ST6GAL2: variants seen among roughly 807,000 people sequenced by gnomAD.
ST6GAL2 encodes the protein ST6 beta-galactoside alpha-2,6-sialyltransferase 2.
ST6GAL2 carries 24 observed loss-of-function variants against 37.5 expected under a neutral mutation model. The observed-to-expected ratio is 0.64, with a 90% CI of 0.46 to 0.90. The LOEUF (loss-of-function observed/expected upper bound fraction) is 0.90, where lower values mean the gene tolerates loss of function less well. Ranked by LOEUF, ST6GAL2 falls within the 40% of genes least tolerant of loss-of-function variation. ST6GAL2 has a pLI of 0.00. For missense variants in ST6GAL2, 715 were observed against 712.7 expected (o/e 1.00, Z -0.04); for synonymous variants, 306 against 295.1 (o/e 1.04, Z -0.38).
chr2:106,867,577 G>A (rs1678086434), intron 1 of ST6GAL2, among the ~76,000 whole-genome samples: 1 of 152,098 alleles, frequency 6.6e-6, no homozygotes, highest in South Asian at 2.1e-4. Flanking sequence ...AAATGACGAG[G>A]TTTATGCAAC....
At chr2:106,817,223 G>A (rs1262777663) in intron 5 of ST6GAL2, among the ~76,000 whole-genome samples, 1 of 152,192 alleles carries the variant, frequency 6.6e-6, no homozygotes, top group Non-Finnish European at 1.5e-5. Context: ...GTGACCTGGC[G>A]AGACACAAGC....
rs570541749 is a variant in ST6GAL2, at chr2:106,823,508, G to A, written c.1318+6558C>T. Among the ~76,000 whole-genome samples, 41 of 26,692 alleles carry A rather than the reference G, an allele frequency of 1.5e-3. No individual in the cohort carries two copies. In the South Asian group the frequency reaches 0.029, roughly 19 times the overall value. The allele number at this position is 26,692 out of a possible 152,430, so 17.5% of individuals were successfully genotyped here. ...ACACAGAGAGAGAGAGAGAGAGATC[G>A]AGAGAGAGAGAGAGAGAAAGATTTC... On this transcript the variant is annotated intron_variant, in intron 5 of 5. Coordinates refer to ENST00000409382, the MANE Select transcript of ST6GAL2 (RefSeq NM_001142351.2).
chr2:106,855,194 G>A (rs1677526162), intron 1 of ST6GAL2, among the ~76,000 whole-genome samples: 1 of 152,230 alleles, frequency 6.6e-6, no homozygotes, highest in Non-Finnish European at 1.5e-5. Context: ...GGATACTATA[G>A]ATTCAAATTC....
At chr2:106,815,938 A>G (rs1049129084) in intron 5 of ST6GAL2, among the ~76,000 whole-genome samples, 7 of 152,156 alleles carry the variant, frequency 4.6e-5, no homozygotes, top group Non-Finnish European at 7.3e-5. Flanking sequence ...TGTTTTTTCA[A>G]TCAGGGAACA....
At chr2:106,883,391 G>A (rs779987600) in intron 1 of ST6GAL2, among the ~76,000 whole-genome samples, 1 of 152,164 alleles carries the variant, frequency 6.6e-6, no homozygotes, top group Non-Finnish European at 1.5e-5. Context: ...TGAAAATGTG[G>A]TAATCCACTA....
At chr2:106,841,930 T>C (rs1676902252) in intron 2 of ST6GAL2, among the ~76,000 whole-genome samples, 1 of 152,216 alleles carries the variant, frequency 6.6e-6, no homozygotes, top group African/African-American at 2.4e-5. Context: ...CCCAGCTGGT[T>C]GGTCAAACAC....
intron 1 of ST6GAL2, among the ~76,000 whole-genome samples, chr2:106,879,122 G>A (rs1479316694): frequency 6.6e-6 from 1 of 152,086 alleles, no homozygotes; most frequent in Non-Finnish European, 1.5e-5. Context: ...ACCCACTTCT[G>A]GTTCTACATC....
chr2:106,807,065 TTTG>T (rs1675441685), intron 5 of ST6GAL2, 116 bp from the exon 6 acceptor site: 10 of 837,522 alleles, frequency 1.2e-5, no homozygotes, highest in East Asian at 2.7e-5. Flanking sequence ...CACTTACTTT[TTTG>T]TTGTTGTTGC....
intron 2 of ST6GAL2, among the ~76,000 whole-genome samples, chr2:106,837,441 T>A (rs1161403286): frequency 6.6e-6 from 1 of 152,194 alleles, no homozygotes; most frequent in Non-Finnish European, 1.5e-5. Context: ...GAACTCTGAG[T>A]ATACTTACCA....
intron 1 of ST6GAL2, among the ~76,000 whole-genome samples, chr2:106,877,802 T>A (rs1221483421): frequency 2.6e-5 from 4 of 152,196 alleles, no homozygotes; most frequent in Non-Finnish European, 5.9e-5. Context: ...CCCTACAACC[T>A]CTCCACACAC....
At chr2:106,881,601 T>C (rs1678753394) in intron 1 of ST6GAL2, among the ~76,000 whole-genome samples, 1 of 152,232 alleles carries the variant, frequency 6.6e-6, no homozygotes, top group Non-Finnish European at 1.5e-5. Flanking sequence ...TATTGGATTA[T>C]CTAAGAGACT....
intron 5 of ST6GAL2, among the ~76,000 whole-genome samples, chr2:106,816,775 G>A (rs754313373): frequency 4.6e-5 from 7 of 152,100 alleles, no homozygotes; most frequent in Non-Finnish European, 1.0e-4. Flanking sequence ...AAAACCAGGC[G>A]AGTGATCACA....
intron 1 of ST6GAL2, among the ~76,000 whole-genome samples, chr2:106,847,928 T>C (rs1023393708): frequency 1.3e-5 from 2 of 152,198 alleles, no homozygotes; most frequent in Admixed American, 1.3e-4. Context: ...ATAGGCATGA[T>C]TGATTAAATC....
chr2:106,814,935 T>C (rs1675746718), intron 5 of ST6GAL2, among the ~76,000 whole-genome samples: 1 of 152,184 alleles, frequency 6.6e-6, no homozygotes, highest in Non-Finnish European at 1.5e-5. Flanking sequence ...TAGCTCCCAA[T>C]GGGCTGAGTG....
chr2:106,809,117 G>A (rs1355892548), intron 5 of ST6GAL2, among the ~76,000 whole-genome samples: 1 of 152,236 alleles, frequency 6.6e-6, no homozygotes, highest in Non-Finnish European at 1.5e-5. Flanking sequence ...GTGGAGCTGA[G>A]GACGGCTTCA....
intron 1 of ST6GAL2, among the ~76,000 whole-genome samples, chr2:106,853,729 G>A (rs1322455343): frequency 6.6e-6 from 1 of 152,136 alleles, no homozygotes; most frequent in Non-Finnish European, 1.5e-5. Flanking sequence ...CAAGAGACAG[G>A]GCAGATGGGA....
At chr2:106,831,033 G>A (rs948380410) in intron 4 of ST6GAL2, among the ~76,000 whole-genome samples, 13 of 152,224 alleles carry the variant, frequency 8.5e-5, no homozygotes, top group African/African-American at 3.1e-4. Context: ...TTTGGAGAGA[G>A]TAGGGAGAAG....
At chr2:106,830,708 A>G (rs6705523) in intron 4 of ST6GAL2, among the ~76,000 whole-genome samples, 129,565 of 152,158 alleles carry the variant, frequency 0.85, 55,298 homozygotes, top group East Asian at 0.94. Context: ...GACCCCTGGG[A>G]ACTGGATCAG....
chr2:106,879,132 C>T (rs1450485467), intron 1 of ST6GAL2, among the ~76,000 whole-genome samples: 2 of 152,058 alleles, frequency 1.3e-5, no homozygotes, highest in Admixed American at 1.3e-4. Flanking sequence ...GGTTCTACAT[C>T]GAATACCGTG....
Sources: allele counts gnomAD v4.1 joint callset (sites outside exome capture counted in the v4.1 genomes callset), GRCh38; gene constraint gnomAD v4.1.1; transcripts MANE v1.5; gene names NCBI Gene and HGNC (gene_info 2026-07-23, HGNC 2026-07-21).